Variants in TASOR observed in about 807,000 individuals in gnomAD.
TASOR encodes transcription activation suppressor, also known as protein TASOR.
In TASOR, 53 loss-of-function variants were observed where a neutral mutation model predicts 178.6. The observed-to-expected ratio is 0.30, with a 90% CI of 0.24 to 0.37. TASOR has a LOEUF of 0.37. TASOR is among the 10% of genes least tolerant of loss of function. The pLI, the probability that TASOR is intolerant of heterozygous loss-of-function variation, is 1.00. For synonymous variants in TASOR, 713 were observed against 696.2 expected (o/e 1.02, Z -0.38); for missense variants, 1,815 against 1,971.4 (o/e 0.92, Z 1.50).
chr3:56,633,826 T>G lies in TASOR; in HGVS notation c.2965A>C (p.Thr989Pro), dbSNP rs774257193. The change falls in exon 18 of 24, where the codon ACT becomes CCT. Residue 989 changes from threonine to proline, a missense_variant. This residue lies in a region of TASOR where 655 missense variants were observed against 671.1 expected (regional missense o/e 0.98). Coordinates refer to ENST00000683822, the MANE Select transcript of TASOR (RefSeq NM_001365635.2). Reference protein sequence around the residue: ...SPFTDTLKGTTEDDVLTGQVE... With the variant: ...SPFTDTLKGTPEDDVLTGQVE... ...TGACCTGTCAACACGTCATCCTCAGTGGTGCCCTTTAGTGTGTCTGTAAAT... is the reference window on the plus strand; with the variant it reads ...TGACCTGTCAACACGTCATCCTCAGGGGTGCCCTTTAGTGTGTCTGTAAAT... The G allele has an allele frequency of 6.2e-7, 1 of 1,614,168 alleles. No individual in the cohort carries two copies. Among genetic ancestry groups the G allele is most frequent in the Non-Finnish European group, 8.5e-7 (1 of 1,180,016 alleles).
chr3:56,625,053 T>C (rs1205966670), intron 21 of TASOR, 47 bp from the exon 22 acceptor site: 8 of 1,562,916 alleles, frequency 5.1e-6, no homozygotes, highest in Non-Finnish European at 6.9e-6. Context: ...TTCTAAAATT[T>C]AGTATGGAAA....
chr3:56,670,022 T>C, intron 4 of TASOR, 51 bp downstream of exon 4: 4 of 1,223,474 alleles, frequency 3.3e-6, no homozygotes, highest in Non-Finnish European at 4.6e-6. Context: ...AATGTATTTT[T>C]AGACAGCAAC....
intron 17 of TASOR, among the ~76,000 whole-genome samples, chr3:56,638,373 C>A (rs542855575): frequency 9.9e-5 from 15 of 151,778 alleles, no homozygotes; most frequent in Admixed American, 7.9e-4. Flanking sequence ...CTCAAAAAAA[C>A]CAAAAACAAA....
chr3:56,627,280 G>A (rs766548326), intron 20 of TASOR, 135 bp from the exon 21 acceptor site: 2 of 644,002 alleles, frequency 3.1e-6, no homozygotes, highest in Non-Finnish European at 5.4e-6. Flanking sequence ...CTTTGTCTAA[G>A]GGAGACAGAT....
chr3:56,682,358 C>A (rs1229002476), intron 1 of TASOR, among the ~76,000 whole-genome samples: 2 of 142,752 alleles, frequency 1.4e-5, no homozygotes, highest in Non-Finnish European at 3.1e-5. Flanking sequence ...GACACAACGG[C>A]TTCTCTGCTT....
chr3:56,628,589 G>C lies in TASOR; in HGVS notation c.3773C>G (p.Thr1258Arg). 6.4e-7 allele frequency: 1 copy of C among 1,571,774 alleles called. No individual in the cohort carries two copies. The highest frequency in any genetic ancestry group is 8.7e-7 in the Non-Finnish European group (1 of 1,147,670). The change falls in exon 19 of 24, where the codon ACA (threonine) becomes AGA (arginine). Residue 1258 changes from threonine (T) to arginine (R), a missense_variant. This residue lies in a region of TASOR where 655 missense variants were observed against 671.1 expected (regional missense o/e 0.98). Coordinates refer to ENST00000683822, the MANE Select transcript of TASOR (RefSeq NM_001365635.2). The stretch of plus-strand genomic sequence containing the variant: ...CAAAAACTGTTCAGGATGACATTCT[G>C]TATTGCCTAATTTGATAAGATATTC... ...IKEYLIKLGNTECHPEQFLER... is the reference protein window; with the variant it reads ...IKEYLIKLGNRECHPEQFLER...
At chr3:56,649,507 C>T (rs2077305468) in intron 11 of TASOR, among the ~76,000 whole-genome samples, 1 of 152,154 alleles carries the variant, frequency 6.6e-6, no homozygotes, top group Admixed American at 6.6e-5. Context: ...TCTAACTGCA[C>T]ACATATTACA....
chr3:56,662,390 G>A lies in TASOR; in HGVS notation c.1155C>T (p.Ile385=). ...LRSATRAFLP[I]KLPEKLDVET... ...TGCTCTTTACTTATACTTACAGTTT[G>A]ATAGGCAAAAAAGCACGAGTGGCTG... Residue 385 remains isoleucine (I), a synonymous_variant, in exon 9 of 24, where the codon ATC becomes ATT. Coordinates refer to ENST00000683822, the MANE Select transcript of TASOR (RefSeq NM_001365635.2). 7 of 1,535,418 alleles carry A rather than the reference G, an allele frequency of 4.6e-6. No individual in the cohort carries two copies. The highest frequency in any genetic ancestry group is 6.2e-6 in the Non-Finnish European group (7 of 1,133,272).
intron 11 of TASOR, among the ~76,000 whole-genome samples, chr3:56,657,736 G>A (rs1458763755): frequency 2.0e-5 from 3 of 152,182 alleles, no homozygotes; most frequent in Non-Finnish European, 4.4e-5. Context: ...ATTTGGAAAT[G>A]TCTCTTGGTC....
intron 21 of TASOR, 37 bp downstream of exon 21, chr3:56,627,000 A>G (rs770787165): frequency 1.6e-6 from 2 of 1,259,728 alleles, no homozygotes; most frequent in Non-Finnish European, 2.3e-6. Flanking sequence ...CAATGTTAAA[A>G]TCAACAACCA....
intron 11 of TASOR, among the ~76,000 whole-genome samples, chr3:56,656,109 A>G (rs2107599977): frequency 6.6e-6 from 1 of 152,360 alleles, no homozygotes; most frequent in East Asian, 1.9e-4. Context: ...GGACTACTAT[A>G]AAGATGAGAA....
rs62251184 is a variant in TASOR, at chr3:56,640,300, C to G, written c.2620-170G>C. On this transcript the variant is annotated intron_variant, in intron 15 of 23. Transcript: ENST00000683822. ...TTCAAAATTAAAACATCTTTTCCCT[C>G]GAAACATAATTTTATGTTAATTTAG... 0.027 allele frequency among the ~76,000 whole-genome samples: 4,087 copies of G among 152,194 alleles called. 99 individuals carry two copies. The highest frequency in any genetic ancestry group is 0.062 in the African/African-American group (2,589 of 41,520).
chr3:56,636,303 AC>A (rs1156625737), intron 17 of TASOR, among the ~76,000 whole-genome samples: 10 of 151,848 alleles, frequency 6.6e-5, no homozygotes, highest in Admixed American at 2.0e-4. Context: ...GAAAAAAAAA[AC>A]AAAACTTAAT....
intron 15 of TASOR, among the ~76,000 whole-genome samples, chr3:56,640,380 T>A (rs1001450603): frequency 6.6e-6 from 1 of 152,204 alleles, no homozygotes; most frequent in Non-Finnish European, 1.5e-5. Flanking sequence ...TATTTTAGGC[T>A]CTGCAGGCCA....
At position 56,633,417 on chromosome 3, in the gene TASOR, G is replaced by A. The variant is rs529203959; in HGVS notation, c.3374C>T (p.Ser1125Leu). 3 of 1,614,168 alleles carry A rather than the reference G, an allele frequency of 1.9e-6. No individual in the cohort carries two copies. The highest frequency in any genetic ancestry group is 2.7e-5 in the African/African-American group (2 of 75,052). The change falls in exon 18 of 24, where the codon TCA becomes TTA. Residue 1125 changes from serine to leucine, a missense_variant. Transcript: ENST00000683822. ...GAGATGTTTATTGTTGAAGTCACTT[G>A]AGGAAACTGGTATGACATGCCTTTC... ...PLERHVIPVS[S>L]SDFNNKHLLE...
chr3:56,665,204 C>A (rs2077681890), intron 7 of TASOR, among the ~76,000 whole-genome samples: 1 of 152,092 alleles, frequency 6.6e-6, no homozygotes, highest in African/African-American at 2.4e-5. Flanking sequence ...TCAACACTGG[C>A]TGAAAATCAG....
At chr3:56,681,308 T>A (rs923959475) in intron 1 of TASOR, among the ~76,000 whole-genome samples, 1 of 152,198 alleles carries the variant, frequency 6.6e-6, no homozygotes, top group Non-Finnish European at 1.5e-5. Context: ...TCTCAAATTT[T>A]AACTAAATAC....
chr3:56,636,952 T>A (rs962821518), intron 17 of TASOR, among the ~76,000 whole-genome samples: 1 of 151,830 alleles, frequency 6.6e-6, no homozygotes, highest in Non-Finnish European at 1.5e-5. Flanking sequence ...GGTGGGCAGA[T>A]CACGAGGTCA....
chr3:56,665,540 G>A (rs1317098599), intron 7 of TASOR, among the ~76,000 whole-genome samples: 2 of 151,970 alleles, frequency 1.3e-5, no homozygotes, highest in Admixed American at 1.3e-4. Context: ...TGTAGTTTTA[G>A]TAGAGACACA....
Sources: allele counts gnomAD v4.1 joint callset (sites outside exome capture counted in the v4.1 genomes callset), GRCh38; gene constraint gnomAD v4.1.1; regional missense constraint gnomAD v4.1.1; transcripts MANE v1.5; gene names NCBI Gene and HGNC (gene_info 2026-07-23, HGNC 2026-07-21).